CYRIB: variants seen among roughly 807,000 people sequenced by gnomAD.
The protein encoded by CYRIB is CYFIP-related Rac1 interactor B.
A neutral mutation model predicts 44.2 loss-of-function variants in CYRIB; 8 were observed. The observed-to-expected ratio is 0.18, with a 90% CI of 0.11 to 0.33. CYRIB has a LOEUF of 0.33. Ranked by LOEUF, CYRIB falls within the 10% of genes least tolerant of loss-of-function variation. The pLI, the probability that CYRIB is intolerant of heterozygous loss-of-function variation, is 1.00. For synonymous variants in CYRIB, 131 were observed against 127.2 expected (o/e 1.03, Z -0.20); for missense variants, 185 against 382.8 (o/e 0.48, Z 4.31).
intron 2 of CYRIB, among the ~76,000 whole-genome samples, chr8:129,968,104 A>G (rs925201315): frequency 6.6e-6 from 1 of 152,250 alleles, no homozygotes; most frequent in Non-Finnish European, 1.5e-5. Flanking sequence ...TTATTTGTCT[A>G]TAAAATTCAG....
rs1554659983 is a variant in CYRIB, at chr8:129,930,365, T to TTATATA, written c.-50+9237_-50+9242dup. On this transcript the variant is annotated intron_variant, in intron 1 of 11. Coordinates refer to ENST00000519824, the Ensembl canonical transcript of CYRIB. ...TCAACTAGGAAGAATTGTGAAGTGC[T>TTATATA]TATATATATATATATTTTAATTATT... is the stretch of plus-strand genomic sequence containing the variant. Among the ~76,000 whole-genome samples the TTATATA allele has an allele frequency of 6.9e-3, 349 of 50,422 alleles. 65 individuals are homozygous for TTATATA. In the East Asian group the frequency reaches 0.1, roughly 15 times the overall value. 33.1% of individuals were successfully genotyped at this position (50,422 alleles called of 152,430 possible).
chr8:129,996,872 A>G (rs1356022105), intron 1 of CYRIB, among the ~76,000 whole-genome samples: 1 of 152,146 alleles, frequency 6.6e-6, no homozygotes, highest in Non-Finnish European at 1.5e-5. Context: ...AGGATTCCTA[A>G]CGATGGAATG....
intron 11 of CYRIB, among the ~76,000 whole-genome samples, chr8:129,845,227 G>A (rs1174548433): frequency 1.3e-5 from 2 of 152,176 alleles, no homozygotes; most frequent in Non-Finnish European, 2.9e-5. Flanking sequence ...GCTCAAGAAA[G>A]AATCCTAAAA....
intron 1 of CYRIB, among the ~76,000 whole-genome samples, chr8:129,971,482 A>C (rs1453689608): frequency 6.6e-6 from 1 of 152,246 alleles, no homozygotes; most frequent in East Asian, 1.9e-4. Flanking sequence ...GTATATTACA[A>C]ATAAATAAAC....
intron 2 of CYRIB, among the ~76,000 whole-genome samples, chr8:129,968,810 T>C (rs776539901): frequency 6.6e-6 from 1 of 152,154 alleles, no homozygotes; most frequent in African/African-American, 2.4e-5. Context: ...TCTCCAAGTA[T>C]TGAAGTTTTT....
At chr8:129,872,001 A>T (rs562948656) in intron 3 of CYRIB, among the ~76,000 whole-genome samples, 79 of 152,280 alleles carry the variant, frequency 5.2e-4, no homozygotes, top group Non-Finnish European at 1.0e-3. Context: ...AAAAAACTTT[A>T]ATAGTTTTTA....
chr8:129,931,199 C>CT (rs1231216930), intron 1 of CYRIB, among the ~76,000 whole-genome samples: 1 of 151,682 alleles, frequency 6.6e-6, no homozygotes, highest in Admixed American at 6.6e-5. Context: ...ATTCCCTTCA[C>CT]TAACTATGCT....
Position 129,933,896 on chromosome 8 carries a change from AAAGAAG to A in CYRIB, c.-50+5706_-50+5711del, listed in dbSNP as rs71923726. Among the ~76,000 whole-genome samples, 1,275 of 150,460 alleles carry A rather than the reference AAAGAAG, an allele frequency of 8.5e-3. 18 individuals carry two copies. Among genetic ancestry groups the A allele is most frequent in the African/African-American group, 0.029 (1,170 of 40,892 alleles). On this transcript the variant is annotated intron_variant, in intron 1 of 11. Transcript: ENST00000519824. ...GACTCTGTCACACACACAAAAAAAA[AAAGAAG>A]AAGAAGAAGAAGAAGAAGAACCTGA...
chr8:130,006,605 T>TATATATATAC (rs374570395), intron 1 of CYRIB, among the ~76,000 whole-genome samples: 1,302 of 23,232 alleles, frequency 0.056, 18 homozygotes, highest in African/African-American at 0.11. Context: ...TATATATATA[T>TATATATATAC]ACATATATAT....
chr8:129,895,432 C>CTTTTTTTTTTTTTTTTTTTTTT (rs2067551100), intron 2 of CYRIB, among the ~76,000 whole-genome samples: 1 of 150,548 alleles, frequency 6.6e-6, no homozygotes, highest in Non-Finnish European at 1.5e-5. Context: ...TTTCATTTTT[C>CTTTTTTTTTTTTTTTTTTTTTT]TTCATGGTCT....
At chr8:130,002,848 A>G (rs2096938041) in intron 1 of CYRIB, among the ~76,000 whole-genome samples, 1 of 152,254 alleles carries the variant, frequency 6.6e-6, no homozygotes, top group Admixed American at 6.5e-5. Flanking sequence ...CTGTAATCCC[A>G]ACACTTTGGG....
At chr8:129,972,607 T>C (rs893372885) in intron 1 of CYRIB, among the ~76,000 whole-genome samples, 3 of 151,992 alleles carry the variant, frequency 2.0e-5, no homozygotes, top group Non-Finnish European at 2.9e-5. Flanking sequence ...CTAAGCATAC[T>C]GCATACTCAC....
exon 12 of CYRIB, chr8:129,841,616 A>C (rs560581784): frequency 6.5e-6 from 1 of 153,190 alleles, no homozygotes; most frequent in Non-Finnish European, 1.5e-5. Flanking sequence ...TTACAAAAAA[A>C]GTCAAAATGC....
chr8:129,893,348 A>G (rs1178053948), intron 2 of CYRIB, among the ~76,000 whole-genome samples: 1 of 152,196 alleles, frequency 6.6e-6, no homozygotes, highest in Non-Finnish European at 1.5e-5. Flanking sequence ...AGACAAGTGG[A>G]AGAGACCAGA....
At chr8:129,978,507 G>C (rs993738259) in intron 1 of CYRIB, among the ~76,000 whole-genome samples, 18 of 152,202 alleles carry the variant, frequency 1.2e-4, no homozygotes, top group Non-Finnish European at 2.6e-4. Flanking sequence ...CCAGGCATGT[G>C]CCAGGATGAT....
intron 1 of CYRIB, among the ~76,000 whole-genome samples, chr8:129,974,215 A>G (rs2095828426): frequency 2.0e-5 from 3 of 152,132 alleles, no homozygotes; most frequent in Admixed American, 2.0e-4. Flanking sequence ...TAATTCCCTC[A>G]TTTTATCAAC....
chr8:129,873,726 G>C (rs185512292), intron 3 of CYRIB, among the ~76,000 whole-genome samples: 267 of 152,096 alleles, frequency 1.8e-3, no homozygotes, highest in Middle Eastern at 0.01. Context: ...GTGACACTGA[G>C]ACTTAACATA....
chr8:129,924,001 T>C (rs1481966753), intron 1 of CYRIB, among the ~76,000 whole-genome samples: 2 of 149,710 alleles, frequency 1.3e-5, no homozygotes, highest in Non-Finnish European at 3.0e-5. Context: ...CCAGCTGCAG[T>C]AGCTCATGCC....
At chr8:129,862,090 A>T in intron 5 of CYRIB, 139 bp downstream of exon 7, 1 of 609,658 alleles carries the variant, frequency 1.6e-6, no homozygotes, top group Middle Eastern at 4.2e-4. Context: ...ATAATCTTAC[A>T]GTCTAACAAG....
Sources: gnomAD v4.1 joint callset for allele counts (sites outside exome capture counted in the v4.1 genomes callset) on GRCh38, gnomAD v4.1.1 for gene constraint, MANE v1.5 for transcripts, NCBI Gene and HGNC (gene_info 2026-07-23, HGNC 2026-07-21) for gene names.